PCDHA13: variants seen among roughly 807,000 people sequenced by gnomAD.
PCDHA13 encodes protocadherin alpha-13.
PCDHA13 carries 54 observed loss-of-function variants against 64.8 expected under a neutral mutation model. The ratio of observed to expected loss-of-function variants is 0.83; its 90% CI spans 0.67 to 1.04. The LOEUF is 1.04. PCDHA13 is among the 50% of genes least tolerant of loss of function. The probability of loss-of-function intolerance (pLI) is 0.00; values close to 1 mark genes in which losing one functional copy is unlikely to be tolerated. For missense variants in PCDHA13, 1,248 were observed against 1,254.3 expected (o/e 0.99, Z 0.08); for synonymous variants, 587 against 564.4 (o/e 1.04, Z -0.57).
intron 1 of PCDHA13, among the ~76,000 whole-genome samples, chr5:140,897,278 A>C (rs993702418): frequency 1.1e-4 from 16 of 151,088 alleles, no homozygotes; most frequent in Non-Finnish European, 1.8e-4. Context: ...GGTGTGCTGC[A>C]CCCATTAACT....
chr5:141,002,917 T>C (rs572461368), intron 3 of PCDHA13, among the ~76,000 whole-genome samples: 1 of 152,310 alleles, frequency 6.6e-6, no homozygotes, highest in East Asian at 1.9e-4. Context: ...ATCAGAAAAG[T>C]GAACACCCTC....
At chr5:140,967,591 G>A (rs1554229706) in intron 1 of PCDHA13, 1 of 1,614,154 alleles carries the variant, frequency 6.2e-7, no homozygotes, top group East Asian at 2.2e-5. Flanking sequence ...CAGGCACATT[G>A]GTGGTGAAGC....
chr5:140,906,662 G>A (rs1186000828), intron 1 of PCDHA13, among the ~76,000 whole-genome samples: 1 of 152,200 alleles, frequency 6.6e-6, no homozygotes, highest in Non-Finnish European at 1.5e-5. Context: ...TCCTGGTGTA[G>A]TGACCCAAAC....
chr5:140,883,532 G>C lies in PCDHA13; in HGVS notation c.1264G>C (p.Glu422Gln). ...GGACCGCGAGAGCGTATCAGCCTAT[G>C]AACTGGTGGTGACCGCGCGGGACGG... The part of the protein sequence containing the change: ...ALDRESVSAY[E>Q]LVVTARDGGS... Residue 422 changes from glutamate (E) to glutamine (Q), a missense_variant, in exon 1 of 4, where the codon GAA (glutamate) becomes CAA (glutamine). Physicochemically the swap from Glu to Gln is conservative, Grantham distance 29 (BLOSUM62 2). Transcript: ENST00000289272. 2 of 1,614,220 alleles carry C rather than the reference G, an allele frequency of 1.2e-6. No homozygotes were observed. Among genetic ancestry groups the C allele is most frequent in the Non-Finnish European group, 1.7e-6 (2 of 1,180,048 alleles).
chr5:140,923,142 T>C (rs553287064), intron 1 of PCDHA13, among the ~76,000 whole-genome samples: 9 of 152,006 alleles, frequency 5.9e-5, no homozygotes, highest in Non-Finnish European at 1.2e-4. Context: ...AGGTGGAATA[T>C]AAAAAAAATT....
chr5:140,886,539 T>C (rs1463145945), intron 1 of PCDHA13, among the ~76,000 whole-genome samples: 6 of 152,154 alleles, frequency 3.9e-5, no homozygotes, highest in African/African-American at 1.4e-4. Context: ...GTTAGAAAGG[T>C]CTTCCCAGCT....
At chr5:140,989,947 T>G (rs2097368215) in intron 3 of PCDHA13, among the ~76,000 whole-genome samples, 1 of 152,062 alleles carries the variant, frequency 6.6e-6, no homozygotes, top group Non-Finnish European at 1.5e-5. Context: ...CACGTTTTTC[T>G]CGGTGAGACC....
chr5:140,953,960 A>G (rs2153700982), intron 1 of PCDHA13, among the ~76,000 whole-genome samples: 1 of 152,088 alleles, frequency 6.6e-6, no homozygotes, highest in South Asian at 2.1e-4. Flanking sequence ...AACAGGCCCC[A>G]GTGTGTGTTG....
chr5:140,985,739 C>CTTTTT (rs11372071), intron 3 of PCDHA13, among the ~76,000 whole-genome samples: 4 of 117,922 alleles, frequency 3.4e-5, no homozygotes, highest in East Asian at 2.5e-4. Flanking sequence ...TGATGAATTC[C>CTTTTT]TTTTTTTTTT....
chr5:140,891,820 G>T (rs1341896388), intron 1 of PCDHA13, among the ~76,000 whole-genome samples: 3 of 152,102 alleles, frequency 2.0e-5, no homozygotes, highest in African/African-American at 7.2e-5. Context: ...TAAATTAACG[G>T]CACTGTAAAA....
chr5:140,991,748 T>C (rs1192231997), intron 3 of PCDHA13, among the ~76,000 whole-genome samples: 4 of 152,224 alleles, frequency 2.6e-5, no homozygotes, highest in Non-Finnish European at 4.4e-5. Flanking sequence ...AGGCTCTTTC[T>C]ATCATGCTCT....
At chr5:140,981,342 G>A (rs2096927846) in intron 2 of PCDHA13, among the ~76,000 whole-genome samples, 1 of 152,176 alleles carries the variant, frequency 6.6e-6, no homozygotes, top group African/African-American at 2.4e-5. Flanking sequence ...GGGAGGGTGA[G>A]GCAGGTGGAT....
intron 1 of PCDHA13, among the ~76,000 whole-genome samples, chr5:140,898,111 T>C (rs1319791706): frequency 6.6e-6 from 1 of 152,184 alleles, no homozygotes; most frequent in Non-Finnish European, 1.5e-5. Context: ...ATGAGTAGGT[T>C]GCGAAAATTT....
intron 1 of PCDHA13, among the ~76,000 whole-genome samples, chr5:140,941,256 T>TTTCTTTCTTTCTTTCA (rs2092982969): frequency 2.2e-5 from 1 of 45,974 alleles, no homozygotes. Flanking sequence ...TCTTTCTTTC[T>TTTCTTTCTTTCTTTCA]CTTTCTTTCT....
rs1554173377 is a variant in PCDHA13, at chr5:140,882,283, G to A, written c.15G>A (p.Trp5Ter). Residue 5 changes from tryptophan to a stop codon, truncating the protein, a stop_gained, in exon 1 of 4, where the codon TGG (tryptophan) becomes TGA (stop). Transcript: ENST00000289272. LOFTEE classifies it high-confidence loss of function. MLSS[W>*]QGGPRPRQLL... ...TGGAGTGTACCATGCTGTCTTCCTG[G>A]CAAGGAGGCCCAAGACCGCGGCAAC... 1.2e-6 allele frequency: 2 copies of A among 1,612,834 alleles called. No individual in the cohort carries two copies. Among genetic ancestry groups the A allele is most frequent in the South Asian group, 1.1e-5 (1 of 90,988 alleles).
In PCDHA13 at chr5:140,911,791, C is replaced by G. The variant is rs567528220; in HGVS notation, c.2394+27129C>G. 3.9e-5 allele frequency among the ~76,000 whole-genome samples: 6 copies of G among 152,230 alleles called. No homozygotes were observed. The East Asian group carries it at 9.6e-4, about 24-fold the overall frequency. ...AGTACAGTCCTTAGCATTTTTGGGT[C>G]TAATCATATTAAGCAGCCTTCTCCA... On this transcript the variant is annotated intron_variant, in intron 1 of 3. Transcript: ENST00000289272.
chr5:140,999,403 A>G (rs1325467300), intron 3 of PCDHA13, among the ~76,000 whole-genome samples: 7 of 152,176 alleles, frequency 4.6e-5, no homozygotes, highest in African/African-American at 1.7e-4. Context: ...TTTGCATATG[A>G]AAGAATGGGA....
intron 1 of PCDHA13, among the ~76,000 whole-genome samples, chr5:140,957,916 T>C (rs1554223208): frequency 6.6e-6 from 1 of 152,114 alleles, no homozygotes; most frequent in African/African-American, 2.4e-5. Context: ...TTGTTATCTA[T>C]GTATCAAGCT....
chr5:140,993,346 G>A (rs2097551194), intron 3 of PCDHA13, among the ~76,000 whole-genome samples: 2 of 151,820 alleles, frequency 1.3e-5, no homozygotes, highest in Non-Finnish European at 1.5e-5. Context: ...AGGGCACTAC[G>A]AAGATCCTCA....
Sources: allele counts gnomAD v4.1 joint callset (sites outside exome capture counted in the v4.1 genomes callset), GRCh38; gene constraint gnomAD v4.1.1; transcripts MANE v1.5; gene names NCBI Gene and HGNC (gene_info 2026-07-23, HGNC 2026-07-21).